KLF8: variants seen among roughly 807,000 people sequenced by gnomAD.
The protein encoded by KLF8 is Krueppel-like factor 8.
A neutral mutation model predicts 18.2 loss-of-function variants in KLF8; 10 were observed. That is an observed-to-expected ratio of 0.55 (90% CI 0.34 to 0.93). KLF8 has a LOEUF of 0.93. Ranked by LOEUF, KLF8 falls within the 40% of genes least tolerant of loss-of-function variation. The pLI is 0.02. For missense variants in KLF8, 264 were observed against 277.9 expected (o/e 0.95, Z 0.36); for synonymous variants, 109 against 97.3 (o/e 1.12, Z -0.71).
At chrX:56,070,166 C>T in the KLF8 span, among the ~76,000 whole-genome samples, 20 of 111,146 alleles carry the variant, frequency 1.8e-4, no homozygotes, top group Non-Finnish European at 5.7e-5. Flanking sequence ...AAACCAAACA[C>T]AGCATGTTCT....
chrX:55,915,313 C>T, the KLF8 span, among the ~76,000 whole-genome samples: 12 of 111,392 alleles, frequency 1.1e-4, no homozygotes, highest in African/African-American at 2.0e-4. Flanking sequence ...TGAATTTGAA[C>T]GCAGATAGTT....
the KLF8 span, among the ~76,000 whole-genome samples, chrX:55,945,648 G>A: frequency 1.8e-5 from 2 of 111,137 alleles, no homozygotes; most frequent in East Asian, 5.6e-4. Context: ...GGACAATTAG[G>A]CAGGAGAAGG....
chrX:55,948,569 T>G, the KLF8 span, among the ~76,000 whole-genome samples: 1 of 112,159 alleles, frequency 8.9e-6, no homozygotes, highest in Non-Finnish European at 1.9e-5. Flanking sequence ...CTTTTCAACT[T>G]GTGAAAGTCA....
At chrX:56,151,716 T>A in the KLF8 span, among the ~76,000 whole-genome samples, 1 of 111,048 alleles carries the variant, frequency 9.0e-6, no homozygotes, top group African/African-American at 3.3e-5. Flanking sequence ...AGAGAGTTGG[T>A]TAAATGGATG....
chrX:56,169,236 A>G, the KLF8 span, among the ~76,000 whole-genome samples: 2 of 111,564 alleles, frequency 1.8e-5, no homozygotes, highest in African/African-American at 6.5e-5. Flanking sequence ...ACTCAGATTT[A>G]CCGGTTTCAG....
chrX:56,250,149 C>A, intron 1 of KLF8, 82 bp from the exon 2 acceptor site: 1 of 658,618 alleles, frequency 1.5e-6, no homozygotes, highest in South Asian at 2.5e-5. Context: ...TCATAGAACA[C>A]ACATAACATT....
At chrX:56,035,936 G>A in the KLF8 span, among the ~76,000 whole-genome samples, 1 of 111,347 alleles carries the variant, frequency 9.0e-6, no homozygotes, top group Non-Finnish European at 1.9e-5. Flanking sequence ...TTTTCACTTT[G>A]TTGATTGTTT....
the KLF8 span, among the ~76,000 whole-genome samples, chrX:56,020,095 A>G: frequency 8.9e-6 from 1 of 112,126 alleles, no homozygotes; most frequent in African/African-American, 3.2e-5. Flanking sequence ...AAGGCACAAC[A>G]AAGTTTTTAG....
At chrX:56,085,857 G>A in the KLF8 span, among the ~76,000 whole-genome samples, 1 of 112,017 alleles carries the variant, frequency 8.9e-6, no homozygotes, top group Non-Finnish European at 1.9e-5. Context: ...CCCAGCCATG[G>A]CAAGATGGCA....
At chrX:56,221,291 C>T in the KLF8 span, among the ~76,000 whole-genome samples, 2 of 111,804 alleles carry the variant, frequency 1.8e-5, no homozygotes, top group African/African-American at 6.5e-5. Context: ...TGATTAGAGG[C>T]GCCTCCCCTG....
At chrX:55,912,027 T>C in the KLF8 span, among the ~76,000 whole-genome samples, 1 of 111,907 alleles carries the variant, frequency 8.9e-6, no homozygotes, top group African/African-American at 3.2e-5. Context: ...AAGAGCTCCC[T>C]AGGTAATTCT....
chrX:56,146,303 G>A, the KLF8 span, among the ~76,000 whole-genome samples: 1 of 111,826 alleles, frequency 8.9e-6, no homozygotes, highest in Admixed American at 9.6e-5. Context: ...CAAAGACTTA[G>A]AACCAACTCA....
At chrX:56,238,709 G>A (rs1486901039) in intron 1 of KLF8, among the ~76,000 whole-genome samples, 4 of 111,625 alleles carry the variant, frequency 3.6e-5, no homozygotes, top group South Asian at 3.8e-4. Context: ...AGCTCTTACC[G>A]CAGTACTCAT....
the KLF8 span, among the ~76,000 whole-genome samples, chrX:55,953,470 A>T: frequency 9.1e-6 from 1 of 110,104 alleles, no homozygotes; most frequent in Non-Finnish European, 1.9e-5. Context: ...TTTTGCAGAA[A>T]TTGATAAGGT....
chrX:56,001,137 T>C, the KLF8 span, among the ~76,000 whole-genome samples: 2 of 112,153 alleles, frequency 1.8e-5, no homozygotes, highest in Non-Finnish European at 3.8e-5. Flanking sequence ...GCCACCGCTA[T>C]TGGGATCATC....
chrX:56,125,296 G>A, the KLF8 span, among the ~76,000 whole-genome samples: 8 of 111,831 alleles, frequency 7.2e-5, no homozygotes, highest in South Asian at 3.0e-3. Flanking sequence ...AGACTAAGGG[G>A]TGCCTCTCAG....
At chrX:56,217,772 G>A in the KLF8 span, among the ~76,000 whole-genome samples, 3 of 111,553 alleles carry the variant, frequency 2.7e-5, no homozygotes, top group South Asian at 1.1e-3. Flanking sequence ...AAGAGTTAGA[G>A]CAGAAGCAGA....
At chrX:56,114,394 C>T in the KLF8 span, among the ~76,000 whole-genome samples, 2 of 112,965 alleles carry the variant, frequency 1.8e-5, no homozygotes. Context: ...AGATATCGCT[C>T]TGCTGCGAAC....
At chrX:55,966,773 G>A in the KLF8 span, among the ~76,000 whole-genome samples, 1 of 111,635 alleles carries the variant, frequency 9.0e-6, no homozygotes, top group African/African-American at 3.3e-5. Flanking sequence ...CTCACCAAAC[G>A]TGCTAAAGAA....
Sources: gnomAD v4.1 joint callset for allele counts (sites outside exome capture counted in the v4.1 genomes callset) on GRCh38, gnomAD v4.1.1 for gene constraint, MANE v1.5 for transcripts, NCBI Gene and HGNC (gene_info 2026-07-23, HGNC 2026-07-21) for gene names.